Variants in SH3GL3 observed in about 807,000 individuals in gnomAD.
SH3GL3 encodes the protein SH3 domain containing GRB2 like 3, endophilin A3.
Under a neutral mutation model 47.7 loss-of-function variants are expected in SH3GL3, and 33 were observed. That is an observed-to-expected ratio of 0.69 (90% CI 0.52 to 0.92). The LOEUF (loss-of-function observed/expected upper bound fraction) is 0.92. SH3GL3 is among the 40% of genes least tolerant of loss of function. The probability of loss-of-function intolerance (pLI) is 0.00; values close to 1 mark genes in which losing one functional copy is unlikely to be tolerated. For synonymous variants in SH3GL3, 155 were observed against 148.8 expected, an observed-to-expected ratio of 1.04 and a Z score of -0.30; for missense variants, 363 against 417.8, an observed-to-expected ratio of 0.87 and a Z score of 1.14.
At chr15:83,576,790 T>A (rs545853875) in intron 6 of SH3GL3, 49 bp downstream of exon 6, 1 of 1,311,882 alleles carries the variant, frequency 7.6e-7, no homozygotes, top group East Asian at 2.3e-5. Context: ...GAATGAAACA[T>A]TGAATATATG....
At chr15:83,475,514 T>C (rs906174893) in intron 1 of SH3GL3, among the ~76,000 whole-genome samples, 1 of 151,986 alleles carries the variant, frequency 6.6e-6, no homozygotes, top group Non-Finnish European at 1.5e-5. Context: ...AAATAAAAAA[T>C]AAAAAGTTAA....
In SH3GL3 at chr15:83,577,071, C is replaced by T. The variant is rs113645471; in HGVS notation, c.624+330C>T. 6.6e-5 allele frequency among the ~76,000 whole-genome samples: 10 copies of T among 151,840 alleles called. No homozygotes were observed. The East Asian group carries it at 1.2e-3, about 18-fold the overall frequency. ...GATTACAGCCACGCACCACCACACT[C>T]GGCTAATTTTTGTATTTTTAGTAGA... On this transcript the variant is annotated intron_variant, in intron 6 of 8. Transcript: ENST00000427482.
chr15:83,562,030 AACACACACACACACAC>A (rs55856428), intron 2 of SH3GL3, among the ~76,000 whole-genome samples: 1,475 of 133,070 alleles, frequency 0.011, 20 homozygotes, highest in African/African-American at 0.033. Context: ...ACACACACAC[AACACACACACACACAC>A]ACACACACAC....
At chr15:83,611,145 G>T (rs976775504) in intron 8 of SH3GL3, among the ~76,000 whole-genome samples, 2 of 151,838 alleles carry the variant, frequency 1.3e-5, no homozygotes, top group African/African-American at 2.4e-5. Context: ...TGCCAAGGGG[G>T]AAGTTCAGTT....
chr15:83,465,619 A>T (rs1010085972), intron 1 of SH3GL3, among the ~76,000 whole-genome samples: 1 of 151,982 alleles, frequency 6.6e-6, no homozygotes, highest in African/African-American at 2.4e-5. Context: ...TGTCATTCAC[A>T]TCATAGCACA....
chr15:83,459,398 A>T (rs1368313895), intron 1 of SH3GL3, among the ~76,000 whole-genome samples: 1 of 152,196 alleles, frequency 6.6e-6, no homozygotes, highest in Admixed American at 6.5e-5. Context: ...TAAGAAAATG[A>T]TGGCAGGTCT....
At chr15:83,469,329 C>T (rs2040725389) in intron 1 of SH3GL3, among the ~76,000 whole-genome samples, 1 of 151,930 alleles carries the variant, frequency 6.6e-6, no homozygotes, top group African/African-American at 2.4e-5. Context: ...TTGATTTCTG[C>T]CCTTATCCTT....
At chr15:83,572,864 G>A (rs2059577036) in intron 5 of SH3GL3, among the ~76,000 whole-genome samples, 166 bp downstream of exon 5, 1 of 151,968 alleles carries the variant, frequency 6.6e-6, no homozygotes, top group Non-Finnish European at 1.5e-5. Flanking sequence ...AAGAGTGCCA[G>A]GATCCATTAG....
intron 8 of SH3GL3, among the ~76,000 whole-genome samples, chr15:83,600,102 A>G (rs1242042277): frequency 6.6e-6 from 1 of 152,068 alleles, no homozygotes; most frequent in Non-Finnish European, 1.5e-5. Flanking sequence ...GTCCTTTGTC[A>G]GATGTATAGA....
chr15:83,520,972 T>G (rs138782452), intron 1 of SH3GL3, among the ~76,000 whole-genome samples: 4 of 152,370 alleles, frequency 2.6e-5, no homozygotes, highest in Non-Finnish European at 5.9e-5. Context: ...CGTATTTCTC[T>G]TAACCTGTTA....
At chr15:83,505,160 T>C (rs991979602) in intron 1 of SH3GL3, among the ~76,000 whole-genome samples, 1 of 152,300 alleles carries the variant, frequency 6.6e-6, no homozygotes, top group Non-Finnish European at 1.5e-5. Flanking sequence ...GGTTTGAGAC[T>C]ATTATGAAAA....
chr15:83,510,668 A>G (rs745831687), intron 1 of SH3GL3, among the ~76,000 whole-genome samples: 3 of 152,120 alleles, frequency 2.0e-5, no homozygotes, highest in Non-Finnish European at 2.9e-5. Context: ...TATTTTATGG[A>G]AAAGTCAAAG....
intron 1 of SH3GL3, among the ~76,000 whole-genome samples, chr15:83,460,400 T>A (rs1392044116): frequency 6.6e-6 from 1 of 152,082 alleles, no homozygotes; most frequent in Non-Finnish European, 1.5e-5. Flanking sequence ...TATAATGTGG[T>A]ATATACTCAT....
At chr15:83,592,522 A>G (rs963901348) in intron 8 of SH3GL3, among the ~76,000 whole-genome samples, 10 of 152,154 alleles carry the variant, frequency 6.6e-5, no homozygotes, top group Admixed American at 6.5e-4. Flanking sequence ...GGTCAAAGCT[A>G]TAATCTTGAT....
intron 5 of SH3GL3, among the ~76,000 whole-genome samples, chr15:83,574,066 C>A (rs117594449): frequency 9.5e-4 from 145 of 152,180 alleles, no homozygotes; most frequent in Non-Finnish European, 1.7e-3. Context: ...ACAAGCTGAC[C>A]AGAGGGCCAG....
intron 1 of SH3GL3, among the ~76,000 whole-genome samples, chr15:83,494,261 G>A (rs1027418685): frequency 2.0e-5 from 3 of 152,236 alleles, no homozygotes; most frequent in African/African-American, 7.2e-5. Context: ...TGCCCATGGG[G>A]CTAGTTTCTG....
intron 8 of SH3GL3, among the ~76,000 whole-genome samples, chr15:83,604,747 G>A (rs2060471777): frequency 6.6e-6 from 1 of 152,170 alleles, no homozygotes; most frequent in Admixed American, 6.5e-5. Flanking sequence ...AGTAAGTAGA[G>A]GCTCTGAGAG....
chr15:83,490,613 TA>T lies in SH3GL3; in HGVS notation c.45+43036del, dbSNP rs1344361964. 5.1e-6 allele frequency: 3 copies of T among 587,644 alleles called. No individual in the cohort carries two copies. The Admixed American group carries it at 9.5e-5, about 19-fold the overall frequency. The allele number at this position is 587,644 out of a possible 1,614,324, so 36.4% of individuals were successfully genotyped here. A position where few individuals can be genotyped will look rare whatever the true frequency, so the allele number is the denominator to read the frequency against. On this transcript the variant is annotated intron_variant, in intron 1 of 8. Transcript: ENST00000427482. ...TGTCACAGTTGGCCCCCCTACAACCTAGTTCAGCCTGGCACAGTATATGACG... is the reference window on the plus strand; with the variant it reads ...TGTCACAGTTGGCCCCCCTACAACCTGTTCAGCCTGGCACAGTATATGACG...
chr15:83,567,483 T>TG (rs1360854161), intron 3 of SH3GL3, among the ~76,000 whole-genome samples: 6 of 152,094 alleles, frequency 3.9e-5, no homozygotes, highest in Admixed American at 3.9e-4. Context: ...AAATACTCAT[T>TG]GCCTGAGTCA....
Sources: allele counts gnomAD v4.1 joint callset (sites outside exome capture counted in the v4.1 genomes callset), GRCh38; gene constraint gnomAD v4.1.1; transcripts MANE v1.5; gene names NCBI Gene and HGNC (gene_info 2026-07-23, HGNC 2026-07-21).